SLC24A3: variants seen among roughly 807,000 people sequenced by gnomAD.
SLC24A3 encodes solute carrier family 24 member 3.
In SLC24A3, 28 loss-of-function variants were observed where a neutral mutation model predicts 75.8. That is an observed-to-expected ratio of 0.37 (90% CI 0.27 to 0.51). The LOEUF (loss-of-function observed/expected upper bound fraction) is 0.51, where lower values mean the gene tolerates loss of function less well. SLC24A3 is among the 20% of genes least tolerant of loss of function. The pLI is 0.94. For synonymous variants in SLC24A3, 372 were observed against 334.1 expected, an observed-to-expected ratio of 1.11 and a Z score of -1.24; for missense variants, 663 against 847.8, an observed-to-expected ratio of 0.78 and a Z score of 2.71.
At chr20:19,254,033 C>T (rs1163720795) in intron 1 of SLC24A3, among the ~76,000 whole-genome samples, 5 of 152,182 alleles carry the variant, frequency 3.3e-5, no homozygotes. Flanking sequence ...TGAACTCTGG[C>T]CCATGTTGCC....
At chr20:19,548,302 C>T (rs2030635313) in intron 3 of SLC24A3, among the ~76,000 whole-genome samples, 1 of 152,086 alleles carries the variant, frequency 6.6e-6, no homozygotes, top group African/African-American at 2.4e-5. Context: ...TTTCGTTTTC[C>T]CATATGCTAA....
chr20:19,364,721 C>T (rs1024623575), intron 2 of SLC24A3, among the ~76,000 whole-genome samples: 1 of 152,132 alleles, frequency 6.6e-6, no homozygotes, highest in Admixed American at 6.5e-5. Flanking sequence ...TCCCAACATG[C>T]TGGGATTACA....
At chr20:19,247,517 G>A (rs79371716) in intron 1 of SLC24A3, among the ~76,000 whole-genome samples, 1,932 of 152,224 alleles carry the variant, frequency 0.013, 58 homozygotes, top group African/African-American at 0.045. Context: ...GAGGCTCATA[G>A]CCACTGAAAT....
At chr20:19,698,795 T>C in intron 15 of SLC24A3, 115 bp downstream of exon 15, 2 of 770,996 alleles carry the variant, frequency 2.6e-6, no homozygotes, top group East Asian at 5.4e-5. Flanking sequence ...AATCGTAATA[T>C]TGAGGGGGAA....
At chr20:19,327,905 T>C (rs777003008) in intron 2 of SLC24A3, among the ~76,000 whole-genome samples, 17 of 152,110 alleles carry the variant, frequency 1.1e-4, no homozygotes, top group Non-Finnish European at 2.2e-4. Context: ...GGAGTTTCCA[T>C]TGGGGTGGTG....
At chr20:19,479,229 C>T (rs1471331940) in intron 2 of SLC24A3, among the ~76,000 whole-genome samples, 1 of 152,242 alleles carries the variant, frequency 6.6e-6, no homozygotes. Flanking sequence ...CACTTAGTTT[C>T]ACCACCTTCA....
At chr20:19,631,421 A>G (rs2122686656) in intron 6 of SLC24A3, among the ~76,000 whole-genome samples, 1 of 152,358 alleles carries the variant, frequency 6.6e-6, no homozygotes, top group South Asian at 2.1e-4. Flanking sequence ...GAATGTCTAA[A>G]ATAAAGCCAA....
chr20:19,535,870 C>T (rs2030387084), intron 3 of SLC24A3, among the ~76,000 whole-genome samples: 1 of 152,008 alleles, frequency 6.6e-6, no homozygotes, highest in African/African-American at 2.4e-5. Flanking sequence ...CTGGGAAGTC[C>T]AAGATCAAGA....
chr20:19,447,559 C>T (rs1049890693), intron 2 of SLC24A3, among the ~76,000 whole-genome samples: 4 of 152,224 alleles, frequency 2.6e-5, no homozygotes, highest in African/African-American at 9.6e-5. Flanking sequence ...CACATATACA[C>T]ACACACAAAA....
At chr20:19,632,267 A>C (rs1039946839) in intron 6 of SLC24A3, among the ~76,000 whole-genome samples, 1 of 152,248 alleles carries the variant, frequency 6.6e-6, no homozygotes, top group Non-Finnish European at 1.5e-5. Context: ...CCATGAACTT[A>C]GTGGCTTAAA....
chr20:19,536,977 A>G (rs1392784033), intron 3 of SLC24A3, among the ~76,000 whole-genome samples: 1 of 152,244 alleles, frequency 6.6e-6, no homozygotes, highest in East Asian at 1.9e-4. Flanking sequence ...CAATGACTTC[A>G]TGTATAAAAC....
chr20:19,285,667 T>C (rs566526549), intron 2 of SLC24A3, among the ~76,000 whole-genome samples: 2 of 151,532 alleles, frequency 1.3e-5, no homozygotes, highest in African/African-American at 4.9e-5. Flanking sequence ...GTTGTTTTCT[T>C]AGCCTGACAC....
intron 2 of SLC24A3, among the ~76,000 whole-genome samples, chr20:19,429,453 G>A (rs1200386923): frequency 6.6e-6 from 1 of 152,234 alleles, no homozygotes; most frequent in Non-Finnish European, 1.5e-5. Context: ...GAAAGCGTGT[G>A]AGTAAATGCA....
chr20:19,504,342 T>C lies in SLC24A3; in HGVS notation c.272-11146T>C, dbSNP rs935011515. The stretch of plus-strand genomic sequence containing the variant: ...ACCTCTGGAATTTAATGAGTTAACA[T>C]TAAAAAATGTCATTGATTTTGAAAC... On this transcript the variant is annotated intron_variant, in intron 2 of 16. Coordinates refer to ENST00000328041, the MANE Select transcript of SLC24A3 (RefSeq NM_020689.4). 2.0e-5 allele frequency among the ~76,000 whole-genome samples: 3 copies of C among 152,314 alleles called. No individual in the cohort carries two copies. In the East Asian group the frequency reaches 5.8e-4, roughly 29 times the overall value.
Position 19,419,573 on chromosome 20 carries a change from A to G in SLC24A3, c.272-95915A>G, listed in dbSNP as rs188886664. On this transcript the variant is annotated intron_variant, in intron 2 of 16. Coordinates refer to ENST00000328041, the MANE Select transcript of SLC24A3 (RefSeq NM_020689.4). ...TGTTGGAGGTTTAACCCAGCTGTCC[A>G]TCTGTCATGTGGACCGTCTCTGCAG... Among the ~76,000 whole-genome samples the G allele has an allele frequency of 4.6e-5, 7 of 152,228 alleles. No individual in the cohort carries two copies. In the East Asian group the frequency reaches 1.4e-3, roughly 29 times the overall value.
intron 2 of SLC24A3, among the ~76,000 whole-genome samples, chr20:19,468,318 T>C (rs955284628): frequency 1.3e-5 from 2 of 151,974 alleles, no homozygotes; most frequent in South Asian, 2.1e-4. Flanking sequence ...GAAAGGGAGA[T>C]GTTAATGTGG....
At position 19,685,381 on chromosome 20, in the gene SLC24A3, G is replaced by T. The variant is rs528317716; in HGVS notation, c.1324+20G>T. The T allele has an allele frequency of 1.2e-6, 2 of 1,609,310 alleles. No homozygotes were observed. The highest frequency in any genetic ancestry group is 2.7e-5 in the African/African-American group (2 of 75,002). Reference sequence around the variant, plus strand: ...CCCCCTGTAAGAGGTTCTATGTCTGGGCTGGGGTTGGGAGCTATTTTGAGC... The same window carrying T: ...CCCCCTGTAAGAGGTTCTATGTCTGTGCTGGGGTTGGGAGCTATTTTGAGC... On this transcript the variant is annotated intron_variant, in intron 12 of 16. Coordinates refer to ENST00000328041, the MANE Select transcript of SLC24A3 (RefSeq NM_020689.4).
At position 19,613,941 on chromosome 20, in the gene SLC24A3, C is replaced by T. The variant is rs117552246; in HGVS notation, c.612+28397C>T. ...GATGTGAAATTCTTTGCGTTCAACC[C>T]GCTTACACCACCCTTGTTTGTCCTG... is the stretch of plus-strand genomic sequence containing the variant. On this transcript the variant is annotated intron_variant, in intron 6 of 16. Coordinates refer to ENST00000328041, the MANE Select transcript of SLC24A3 (RefSeq NM_020689.4). 3.3e-3 allele frequency among the ~76,000 whole-genome samples: 498 copies of T among 152,302 alleles called. 2 individuals are homozygous for T. The highest frequency in any genetic ancestry group is 5.7e-3 in the Non-Finnish European group (388 of 68,032).
At chr20:19,596,687 G>A (rs1177507088) in intron 6 of SLC24A3, among the ~76,000 whole-genome samples, 2 of 152,180 alleles carry the variant, frequency 1.3e-5, no homozygotes, top group African/African-American at 4.8e-5. Flanking sequence ...GCTCCTTCTA[G>A]GACTTCAGAT....
Sources: allele counts gnomAD v4.1 joint callset (sites outside exome capture counted in the v4.1 genomes callset), GRCh38; gene constraint gnomAD v4.1.1; transcripts MANE v1.5; gene names NCBI Gene and HGNC (gene_info 2026-07-23, HGNC 2026-07-21).